The following CEACAM20 variants were observed in gnomAD, a reference collection of about 807,000 sequenced individuals.
The protein encoded by CEACAM20 is CEA cell adhesion molecule 20.
CEACAM20 carries 50 observed loss-of-function variants against 61.2 expected under a neutral mutation model. The observed-to-expected ratio is 0.82, with a 90% CI of 0.65 to 1.03. The LOEUF is 1.03. Ranked by LOEUF, CEACAM20 falls within the 50% of genes least tolerant of loss-of-function variation. The pLI, the probability that CEACAM20 is intolerant of heterozygous loss-of-function variation, is 0.00. For synonymous variants in CEACAM20, 282 were observed against 287.7 expected, an observed-to-expected ratio of 0.98 and a Z score of 0.20; for missense variants, 683 against 736.4, an observed-to-expected ratio of 0.93 and a Z score of 0.84.
chr19:44,522,995 AC>A, intron 3 of CEACAM20, 83 bp from the exon 4 acceptor site: 2 of 1,179,734 alleles, frequency 1.7e-6, no homozygotes, highest in Non-Finnish European at 2.4e-6. Flanking sequence ...ATCAATAAAT[AC>A]TTTATTTCCC....
intron 11 of CEACAM20, among the ~76,000 whole-genome samples, chr19:44,508,450 C>T (rs917717688): frequency 5.9e-5 from 9 of 152,128 alleles, no homozygotes; most frequent in Admixed American, 5.2e-4. Context: ...AGTGCAGTAG[C>T]TCGACCTCAG....
At chr19:44,528,956 C>CTTTTTTTTTTTTTTTTTTTTTTTT (rs71171255) in intron 1 of CEACAM20, among the ~76,000 whole-genome samples, 1 of 92,644 alleles carries the variant, frequency 1.1e-5, no homozygotes, top group Non-Finnish European at 2.0e-5. Context: ...CTCTTTCTTT[C>CTTTTTTTTTTTTTTTTTTTTTTTT]TTTTTTTTTT....
chr19:44,521,269 CTGTA>C (rs1971358155), intron 4 of CEACAM20, among the ~76,000 whole-genome samples: 1 of 151,530 alleles, frequency 6.6e-6, no homozygotes, highest in Non-Finnish European at 1.5e-5. Context: ...AGGGTGTTGA[CTGTA>C]TGGTATATGG....
chr19:44,529,101 A>C (rs537789118), intron 1 of CEACAM20, among the ~76,000 whole-genome samples: 1 of 151,536 alleles, frequency 6.6e-6, no homozygotes, highest in South Asian at 2.1e-4. Context: ...AATAGCTGGG[A>C]CTATAGGAGT....
chr19:44,515,099 A>T (rs1051062424), intron 6 of CEACAM20, among the ~76,000 whole-genome samples: 4 of 152,082 alleles, frequency 2.6e-5, no homozygotes, highest in Non-Finnish European at 5.9e-5. Flanking sequence ...CAACCTCCCA[A>T]AGTGCTGGGA....
At chr19:44,511,761 G>T in intron 9 of CEACAM20, 89 bp from the exon 10 acceptor site, 1 of 1,286,172 alleles carries the variant, frequency 7.8e-7, no homozygotes, top group Non-Finnish European at 1.1e-6. Flanking sequence ...GGCCTCAGAG[G>T]CAATTATAGC....
intron 6 of CEACAM20, 69 bp from the exon 7 acceptor site, chr19:44,513,358 A>G (rs1971064242): frequency 2.0e-6 from 2 of 1,009,036 alleles, no homozygotes; most frequent in African/African-American, 1.6e-5. Context: ...CCCGTTCCCA[A>G]GCTTGCAGCT....
At chr19:44,519,225 C>T (rs1354291069) in intron 5 of CEACAM20, among the ~76,000 whole-genome samples, 1 of 152,122 alleles carries the variant, frequency 6.6e-6, no homozygotes, top group African/African-American at 2.4e-5. Context: ...TCCCTTTGTC[C>T]CCCGGGGTCC....
chr19:44,507,735 T>A (rs1970859436), intron 11 of CEACAM20, among the ~76,000 whole-genome samples: 1 of 152,162 alleles, frequency 6.6e-6, no homozygotes, highest in African/African-American at 2.4e-5. Flanking sequence ...AAGATATTAA[T>A]ATATGAAACA....
intron 4 of CEACAM20, among the ~76,000 whole-genome samples, chr19:44,521,550 A>G (rs1045030777): frequency 6.6e-6 from 1 of 151,416 alleles, no homozygotes; most frequent in Non-Finnish European, 1.5e-5. Context: ...GAGTTTGTGT[A>G]TATGTGTTGT....
At chr19:44,521,056 T>A (rs751933281) in intron 4 of CEACAM20, among the ~76,000 whole-genome samples, 1 of 151,520 alleles carries the variant, frequency 6.6e-6, no homozygotes, top group African/African-American at 2.4e-5. Context: ...ATATGAAGTA[T>A]GTGTGTGGTA....
intron 1 of CEACAM20, among the ~76,000 whole-genome samples, chr19:44,526,630 T>A (rs872327): frequency 0.53 from 80,625 of 151,852 alleles, 24,092 homozygotes; most frequent in African/African-American, 0.8. Flanking sequence ...TAATCCCAGC[T>A]CTTTGGAAGG....
chr19:44,526,895 A>AAAC (rs1568460455), intron 1 of CEACAM20, among the ~76,000 whole-genome samples: 3 of 148,974 alleles, frequency 2.0e-5, no homozygotes, highest in Non-Finnish European at 3.0e-5. Context: ...AACAAACAAA[A>AAAC]AAAAAACACG....
rs1971008116 is a variant in CEACAM20, at chr19:44,511,778, G to A, written c.1576-106C>T. The A allele has an allele frequency of 6.9e-6, 8 of 1,152,786 alleles. 1 individual carries two copies. The South Asian group carries it at 1.1e-4, about 15-fold the overall frequency. The allele number at this position is 1,152,786 out of a possible 1,614,324, so 71.4% of individuals were successfully genotyped here. A position where few individuals can be genotyped will look rare whatever the true frequency, so the allele number is the denominator to read the frequency against. ...CCTCAGAGGCAATTATAGCACTTCT[G>A]ATTCCCAGAGGGCTCAAAGCTAGGA... is the stretch of plus-strand genomic sequence containing the variant. On this transcript the variant is annotated intron_variant, in intron 9 of 11. Coordinates refer to ENST00000614924, the MANE Select transcript of CEACAM20 (RefSeq NM_001102597.3).
intron 5 of CEACAM20, among the ~76,000 whole-genome samples, chr19:44,517,635 T>C (rs1431054638): frequency 6.7e-6 from 1 of 148,738 alleles, no homozygotes; most frequent in Non-Finnish European, 1.5e-5. Flanking sequence ...TGGTGGAGGT[T>C]GCAGTGAGCC....
At position 44,510,580 on chromosome 19, in the gene CEACAM20, GAAA is replaced by G. The variant is rs1970952061; in HGVS notation, c.1737+447_1737+449del. ...AGAAAGAAAGAAAGAAAGAAAGAAA[GAAA>G]GAAAGAAAGAAAGAAAGAAAGAAAG... On this transcript the variant is annotated intron_variant, in intron 11 of 11. Transcript: ENST00000614924. Among the ~76,000 whole-genome samples, 6 of 47,170 alleles carry G rather than the reference GAAA, an allele frequency of 1.3e-4. 1 individual carries two copies. The highest frequency in any genetic ancestry group is 6.7e-4 in the African/African-American group (6 of 9,014). 30.9% of individuals were successfully genotyped at this position (47,170 alleles called of 152,430 possible).
rs752796436 is a variant in CEACAM20 at position 44,506,252 on chromosome 19, G to C, written c.1738-38C>G. 8 of 1,588,828 alleles carry C rather than the reference G, an allele frequency of 5.0e-6. No homozygotes were observed. The East Asian group carries it at 1.8e-4, about 36-fold the overall frequency. ...GAGAAAATGTGAGCTCCATTTGCTA[G>C]GTGGACCCTCCCAGTCTACTCACTG... On this transcript the variant is annotated intron_variant, in intron 11 of 11. Coordinates refer to ENST00000614924, the MANE Select transcript of CEACAM20 (RefSeq NM_001102597.3).
At chr19:44,526,148 A>C (rs1029231322) in intron 1 of CEACAM20, among the ~76,000 whole-genome samples, 1 of 152,190 alleles carries the variant, frequency 6.6e-6, no homozygotes, top group Non-Finnish European at 1.5e-5. Context: ...AACTTTTGGT[A>C]CTTCCTCTGA....
chr19:44,528,830 TAC>T (rs150033401), intron 1 of CEACAM20, among the ~76,000 whole-genome samples: 15 of 150,068 alleles, frequency 1.0e-4, no homozygotes, highest in East Asian at 3.9e-4. Context: ...TCCTCAAGTA[TAC>T]ACACACACAC....
Sources: allele counts gnomAD v4.1 joint callset (sites outside exome capture counted in the v4.1 genomes callset), GRCh38; gene constraint gnomAD v4.1.1; transcripts MANE v1.5; gene names NCBI Gene and HGNC (gene_info 2026-07-23, HGNC 2026-07-21).